Variants in DNAI4 observed in about 807,000 individuals in gnomAD.
The protein encoded by DNAI4 is dynein axonemal intermediate chain 4.
DNAI4 carries 85 observed loss-of-function variants against 105.8 expected under a neutral mutation model. That is an observed-to-expected ratio of 0.80 (90% confidence interval 0.67 to 0.96). The LOEUF is 0.96. Among genes scored for constraint, DNAI4 ranks in the 40% least tolerant of loss-of-function variants. The probability of loss-of-function intolerance (pLI) is 0.00; values close to 1 mark genes in which losing one functional copy is unlikely to be tolerated. For synonymous variants in DNAI4, 352 were observed against 331.5 expected, an observed-to-expected ratio of 1.06 and a Z score of -0.67; for missense variants, 1,014 against 1,005.6, an observed-to-expected ratio of 1.01 and a Z score of -0.11.
chr1:66,864,355 T>C (rs1329791460), intron 6 of DNAI4, among the ~76,000 whole-genome samples: 2 of 152,216 alleles, frequency 1.3e-5, no homozygotes, highest in African/African-American at 4.8e-5. Context: ...TAAAGAAAGC[T>C]TATTTTAACT....
At chr1:66,913,784 C>T (rs1649841034) in intron 1 of DNAI4, among the ~76,000 whole-genome samples, 1 of 152,006 alleles carries the variant, frequency 6.6e-6, no homozygotes, top group African/African-American at 2.4e-5. Flanking sequence ...AAATCGAGAC[C>T]ATCCTGGCTA....
At chr1:66,832,530 G>C (rs2100407306) in intron 13 of DNAI4, among the ~76,000 whole-genome samples, 2 of 152,236 alleles carry the variant, frequency 1.3e-5, no homozygotes, top group Non-Finnish European at 2.9e-5. Flanking sequence ...AAGGTAGTTG[G>C]GGGTAGGGCA....
chr1:66,861,382 T>C (rs1430155513), intron 7 of DNAI4, among the ~76,000 whole-genome samples: 1 of 152,132 alleles, frequency 6.6e-6, no homozygotes, highest in East Asian at 1.9e-4. Flanking sequence ...AAGAAAAAGA[T>C]ACAACATTTC....
intron 16 of DNAI4, 99 bp downstream of exon 16, chr1:66,822,262 C>T (rs1266733174): frequency 6.4e-6 from 7 of 1,096,434 alleles, no homozygotes; most frequent in Admixed American, 5.5e-5. Context: ...TATTATATTA[C>T]ACCTAAGATA....
intron 9 of DNAI4, 138 bp from the exon 10 acceptor site, chr1:66,837,934 A>G (rs1461186379): frequency 1.2e-6 from 1 of 821,814 alleles, no homozygotes; most frequent in African/African-American, 1.8e-5. Flanking sequence ...ATGCCAGTAC[A>G]CCATCTGTTT....
chr1:66,826,733 T>C (rs1645761909), intron 15 of DNAI4, 87 bp downstream of exon 15: 3 of 1,149,520 alleles, frequency 2.6e-6, no homozygotes, highest in Admixed American at 2.1e-5. Flanking sequence ...GTAACTACAA[T>C]ACCCTCTAAC....
At chr1:66,876,216 A>AT (rs1322635110) in intron 4 of DNAI4, among the ~76,000 whole-genome samples, 1 of 152,150 alleles carries the variant, frequency 6.6e-6, no homozygotes, top group Non-Finnish European at 1.5e-5. Flanking sequence ...TTTGAGGTAC[A>AT]TGTAGTCCAA....
intron 2 of DNAI4, among the ~76,000 whole-genome samples, chr1:66,898,739 G>A (rs1462494957): frequency 6.6e-6 from 1 of 152,162 alleles, no homozygotes; most frequent in Non-Finnish European, 1.5e-5. Context: ...TGAGCATTCA[G>A]TTATACAATA....
chr1:66,822,592 G>A, intron 15 of DNAI4, 75 bp from the exon 16 acceptor site: 3 of 1,285,126 alleles, frequency 2.3e-6, no homozygotes, highest in Non-Finnish European at 2.0e-6. Flanking sequence ...AGAAAAATTT[G>A]ACATTTTTTA....
intron 15 of DNAI4, 145 bp downstream of exon 15, chr1:66,826,675 A>T (rs1481457712): frequency 5.9e-6 from 4 of 672,768 alleles, no homozygotes; most frequent in Non-Finnish European, 1.0e-5. Context: ...GCATCCTGGC[A>T]TTATCTTTAT....
intron 8 of DNAI4, among the ~76,000 whole-genome samples, chr1:66,841,743 C>T (rs1196795469): frequency 1.3e-5 from 2 of 152,136 alleles, no homozygotes; most frequent in African/African-American, 4.8e-5. Context: ...CAACATCCCT[C>T]CATATTTCAA....
chr1:66,820,222 C>T (rs576032461), intron 16 of DNAI4, among the ~76,000 whole-genome samples: 2 of 146,908 alleles, frequency 1.4e-5, no homozygotes, highest in East Asian at 3.9e-4. Flanking sequence ...ACTAAAATTA[C>T]TATGTAAGAA....
intron 11 of DNAI4, among the ~76,000 whole-genome samples, chr1:66,835,035 A>G (rs766778235): frequency 4.6e-5 from 7 of 152,078 alleles, no homozygotes; most frequent in Non-Finnish European, 1.0e-4. Context: ...TTTCACCTCT[A>G]ACTTTTTGGC....
intron 2 of DNAI4, among the ~76,000 whole-genome samples, chr1:66,901,290 G>C (rs371636320): frequency 3.0e-4 from 46 of 151,534 alleles, no homozygotes; most frequent in African/African-American, 1.1e-3. Context: ...CAGTTGGAAG[G>C]GTAAGTTATT....
intron 5 of DNAI4, 93 bp from the exon 6 acceptor site, chr1:66,871,602 C>A (rs1280338): frequency 0.14 from 173,502 of 1,273,846 alleles, 13,391 homozygotes; most frequent in African/African-American, 0.28. Flanking sequence ...AATTACTTTC[C>A]TTAATGTGGC....
intron 1 of DNAI4, among the ~76,000 whole-genome samples, chr1:66,914,116 T>TA (rs1649886311): frequency 2.0e-5 from 3 of 149,546 alleles, no homozygotes; most frequent in African/African-American, 4.9e-5. Flanking sequence ...AGAAAAAAAA[T>TA]AAAAATAAAA....
At chr1:66,915,750 C>T (rs1218322658) in intron 1 of DNAI4, among the ~76,000 whole-genome samples, 1 of 151,770 alleles carries the variant, frequency 6.6e-6, no homozygotes, top group African/African-American at 2.4e-5. Flanking sequence ...CAGGAAATAA[C>T]AGAAATGTAA....
At chr1:66,833,530 C>T in intron 13 of DNAI4, 55 bp downstream of exon 13, 1 of 1,595,378 alleles carries the variant, frequency 6.3e-7, no homozygotes, top group African/African-American at 1.4e-5. Context: ...ACTTAATACA[C>T]TTCAATTTTT....
At chr1:66,827,689 T>A in intron 14 of DNAI4, 123 bp downstream of exon 14, 1 of 471,744 alleles carries the variant, frequency 2.1e-6, no homozygotes, top group South Asian at 5.8e-5. Flanking sequence ...AAACACTTAA[T>A]TCAAGATGGT....
Sources: gnomAD v4.1 joint callset for allele counts (sites outside exome capture counted in the v4.1 genomes callset) on GRCh38, gnomAD v4.1.1 for gene constraint, MANE v1.5 for transcripts, NCBI Gene and HGNC (gene_info 2026-07-23, HGNC 2026-07-21) for gene names.